Variants in CSMD1 observed in about 807,000 individuals in gnomAD.
The protein encoded by CSMD1 is CUB and Sushi multiple domains 1.
Under a neutral mutation model 417.5 loss-of-function variants are expected in CSMD1, and 213 were observed. That is an observed-to-expected ratio of 0.51 (90% confidence interval 0.46 to 0.57). The LOEUF (loss-of-function observed/expected upper bound fraction) is 0.57. CSMD1 is among the 20% of genes least tolerant of loss of function. The pLI is 0.00. For missense variants in CSMD1, 6,923 were observed against 4,529.7 expected (o/e 1.53, Z -15.17); for synonymous variants, 2,862 against 1,736.8 (o/e 1.65, Z -16.11).
At chr8:4,400,990 TTTC>T (rs1362574767) in intron 3 of CSMD1, among the ~76,000 whole-genome samples, 57 of 152,164 alleles carry the variant, frequency 3.7e-4, no homozygotes, top group African/African-American at 1.2e-3. Flanking sequence ...TTAACAGGTG[TTTC>T]TTAACATGAA....
At chr8:3,872,955 C>T (rs189032097) in intron 5 of CSMD1, among the ~76,000 whole-genome samples, 1 of 151,770 alleles carries the variant, frequency 6.6e-6, no homozygotes, top group African/African-American at 2.4e-5. Flanking sequence ...TGAAAAAAAG[C>T]TCAACATCAC....
intron 5 of CSMD1, among the ~76,000 whole-genome samples, chr8:3,893,942 C>T (rs546555726): frequency 2.0e-4 from 31 of 152,132 alleles, no homozygotes; most frequent in Non-Finnish European, 4.3e-4. Context: ...CGCACGTGTG[C>T]ACCCAGAGGA....
rs189636061 is a variant in CSMD1 at position 3,273,520 on chromosome 8, C to A, written c.4153+10624G>T. Reference sequence around the variant, plus strand: ...TCAGAAGGAATGGTACAAATTCCTCCTTGTACCTCTGGTAGAATTCGGTTG... The same window carrying A: ...TCAGAAGGAATGGTACAAATTCCTCATTGTACCTCTGGTAGAATTCGGTTG... On this transcript the variant is annotated intron_variant, in intron 26 of 69. Coordinates refer to ENST00000635120, the MANE Select transcript of CSMD1 (RefSeq NM_033225.6). Among the ~76,000 whole-genome samples the A allele has an allele frequency of 1.3e-4, 20 of 152,254 alleles. No homozygotes were observed. The East Asian group carries it at 2.3e-3, about 18-fold the overall frequency.
rs531261312 is a variant in CSMD1 at position 4,816,613 on chromosome 8, G to A, written c.85+177719C>T. Among the ~76,000 whole-genome samples the A allele has an allele frequency of 8.2e-4, 125 of 152,190 alleles. 1 individual carries two copies. The highest frequency in any genetic ancestry group is 2.8e-3 in the African/African-American group (117 of 41,522). On this transcript the variant is annotated intron_variant, in intron 1 of 69. Transcript: ENST00000635120. ...GTCAAGCACAGTCGAGGAACCAGGC[G>A]AACCATGTGAACACCTGTTCCCGAC...
chr8:4,544,233 G>T (rs1452530989), intron 2 of CSMD1, among the ~76,000 whole-genome samples: 1 of 151,944 alleles, frequency 6.6e-6, no homozygotes, highest in African/African-American at 2.4e-5. Context: ...TCCTTGTGTG[G>T]TTATATAGTC....
At chr8:4,630,038 T>A (rs1802413845) in intron 2 of CSMD1, among the ~76,000 whole-genome samples, 1 of 152,146 alleles carries the variant, frequency 6.6e-6, no homozygotes. Flanking sequence ...TTTTGCTGCT[T>A]TTTAAAAAAA....
At chr8:4,186,048 C>T (rs1438823516) in intron 3 of CSMD1, among the ~76,000 whole-genome samples, 1 of 151,990 alleles carries the variant, frequency 6.6e-6, no homozygotes, top group Non-Finnish European at 1.5e-5. Flanking sequence ...CCTGGGTGGG[C>T]CTGGATTCTG....
chr8:4,011,715 G>C (rs1443941714), intron 4 of CSMD1, among the ~76,000 whole-genome samples: 2 of 152,110 alleles, frequency 1.3e-5, no homozygotes, highest in Non-Finnish European at 2.9e-5. Context: ...TTGCAAAATA[G>C]TACGGAGTTA....
chr8:4,287,393 C>T (rs1387675688), intron 3 of CSMD1, among the ~76,000 whole-genome samples: 1 of 152,130 alleles, frequency 6.6e-6, no homozygotes, highest in African/African-American at 2.4e-5. Flanking sequence ...GGAACAACAT[C>T]CCATGATTTC....
chr8:4,861,764 T>G (rs1802145239), intron 1 of CSMD1, among the ~76,000 whole-genome samples: 2 of 152,014 alleles, frequency 1.3e-5, no homozygotes, highest in African/African-American at 4.8e-5. Flanking sequence ...TTGAACAAAA[T>G]GTCTAAGATA....
intron 1 of CSMD1, among the ~76,000 whole-genome samples, chr8:4,794,549 G>A (rs80165543): frequency 0.074 from 11,169 of 151,886 alleles, 521 homozygotes; most frequent in African/African-American, 0.13. Flanking sequence ...CCTCCCCCAC[G>A]TCCACCTATG....
intron 5 of CSMD1, among the ~76,000 whole-genome samples, chr8:3,889,632 G>C (rs1806818280): frequency 6.6e-6 from 1 of 150,800 alleles, no homozygotes. Flanking sequence ...AGTGTGAAGA[G>C]GAAATCAAGA....
At chr8:4,425,128 TAATTA>T (rs1158141245) in intron 2 of CSMD1, among the ~76,000 whole-genome samples, 1 of 152,086 alleles carries the variant, frequency 6.6e-6, no homozygotes, top group African/African-American at 2.4e-5. Context: ...TGATAGCACT[TAATTA>T]AATACAATTT....
chr8:3,938,921 C>G (rs1810687996), intron 5 of CSMD1, among the ~76,000 whole-genome samples: 2 of 152,116 alleles, frequency 1.3e-5, no homozygotes, highest in South Asian at 4.1e-4. Context: ...CTATCATTCT[C>G]AAACACAGTA....
At chr8:4,565,670 G>C (rs953028583) in intron 2 of CSMD1, among the ~76,000 whole-genome samples, 8 of 150,588 alleles carry the variant, frequency 5.3e-5, no homozygotes, top group African/African-American at 2.0e-4. Flanking sequence ...AGGAGGCAGA[G>C]GTTGCAGTGA....
chr8:4,581,904 C>A (rs1799437359), intron 2 of CSMD1, among the ~76,000 whole-genome samples: 1 of 152,066 alleles, frequency 6.6e-6, no homozygotes, highest in African/African-American at 2.4e-5. Flanking sequence ...CTACATCCAC[C>A]ATCAACTTGA....
chr8:3,907,562 G>T (rs1330683864), intron 5 of CSMD1, among the ~76,000 whole-genome samples: 2 of 152,162 alleles, frequency 1.3e-5, no homozygotes, highest in Non-Finnish European at 2.9e-5. Flanking sequence ...CCAGCCAAGT[G>T]TGAGTTACCA....
chr8:4,065,269 C>G (rs905137649), intron 3 of CSMD1, among the ~76,000 whole-genome samples: 8 of 152,206 alleles, frequency 5.3e-5, no homozygotes, highest in Admixed American at 4.6e-4. Context: ...GAACCACTGA[C>G]TCTGTTGGGC....
In CSMD1 at chr8:4,732,529, T is replaced by A. The variant is rs193279362; in HGVS notation, c.86-94971A>T. ...CGAGTAACTTTGCCAAATTCCAGTCTTGCAATGCAATTGAATTTTATTTGT... is the reference window on the plus strand; with the variant it reads ...CGAGTAACTTTGCCAAATTCCAGTCATGCAATGCAATTGAATTTTATTTGT... On this transcript the variant is annotated intron_variant, in intron 1 of 69. Transcript: ENST00000635120. 2.6e-3 allele frequency among the ~76,000 whole-genome samples: 390 copies of A among 152,252 alleles called. 1 individual carries two copies. The highest frequency in any genetic ancestry group is 8.4e-3 in the African/African-American group (351 of 41,546).
Sources: gnomAD v4.1 joint callset for allele counts (sites outside exome capture counted in the v4.1 genomes callset) on GRCh38, gnomAD v4.1.1 for gene constraint, MANE v1.5 for transcripts, NCBI Gene and HGNC (gene_info 2026-07-23, HGNC 2026-07-21) for gene names.